Variants in LRBA observed in about 807,000 individuals in gnomAD.
LRBA encodes LPS responsive beige-like anchor protein.
In LRBA, 176 loss-of-function variants were observed where a neutral mutation model predicts 330.0. The observed-to-expected ratio is 0.53, with a 90% CI of 0.47 to 0.60. The LOEUF (loss-of-function observed/expected upper bound fraction) is 0.60. Ranked by LOEUF, LRBA falls within the 20% of genes least tolerant of loss-of-function variation. The probability of loss-of-function intolerance (pLI) is 0.00; values close to 1 mark genes in which losing one functional copy is unlikely to be tolerated. For synonymous variants in LRBA, 1,230 were observed against 1,193.0 expected (o/e 1.03, Z -0.64); for missense variants, 3,259 against 3,444.8 (o/e 0.95, Z 1.35).
intron 47 of LRBA, among the ~76,000 whole-genome samples, chr4:150,352,587 A>C (rs1186402621): frequency 6.6e-6 from 1 of 152,210 alleles, no homozygotes; most frequent in East Asian, 1.9e-4. Flanking sequence ...GACAGCACAA[A>C]ACTGCTTCAT....
intron 33 of LRBA, among the ~76,000 whole-genome samples, chr4:150,803,083 T>TACACACACAC (rs1553964882): frequency 2.3e-5 from 3 of 128,480 alleles, no homozygotes; most frequent in Non-Finnish European, 3.2e-5. Context: ...AAAATATATA[T>TACACACACAC]ACACACACAC....
chr4:150,322,867 CA>C (rs1197991898), intron 49 of LRBA, among the ~76,000 whole-genome samples: 8 of 152,182 alleles, frequency 5.3e-5, no homozygotes, highest in African/African-American at 1.9e-4. Context: ...GATACAGCAA[CA>C]GCAGCAAAAC....
intron 39 of LRBA, 61 bp from the exon 40 acceptor site, chr4:150,588,245 C>G: frequency 6.6e-7 from 1 of 1,513,970 alleles, no homozygotes; most frequent in Non-Finnish European, 8.9e-7. Context: ...AAATCAAATT[C>G]GACCAGAAAT....
rs1476447826 is a variant in LRBA, at chr4:150,516,215, CTCTTTTTTTTTTT to C, written c.6331-25193_6331-25181del. Among the ~76,000 whole-genome samples, 59 of 86,670 alleles carry C rather than the reference CTCTTTTTTTTTTT, an allele frequency of 6.8e-4. No homozygotes were observed. In the East Asian group the frequency reaches 6.9e-3, roughly 10 times the overall value. 56.9% of individuals were successfully genotyped at this position (86,670 alleles called of 152,430 possible). ...GTAATTCAGTCTGACATTTTCTATTCTCTTTTTTTTTTTTTTTTTTTTTTTTTTGCTAAGTACC... is the reference window on the plus strand; with the variant it reads ...GTAATTCAGTCTGACATTTTCTATTCTTTTTTTTTTTTTTTGCTAAGTACC... On this transcript the variant is annotated intron_variant, in intron 40 of 56. Transcript: ENST00000651943.
chr4:150,687,499 TATAAC>T (rs1783730788), intron 36 of LRBA, among the ~76,000 whole-genome samples: 1 of 152,062 alleles, frequency 6.6e-6, no homozygotes, highest in Non-Finnish European at 1.5e-5. Flanking sequence ...AACTAGATAA[TATAAC>T]ATCACAACAT....
intron 47 of LRBA, among the ~76,000 whole-genome samples, chr4:150,409,744 A>G (rs772647863): frequency 6.6e-6 from 1 of 152,176 alleles, no homozygotes; most frequent in Non-Finnish European, 1.5e-5. Context: ...ACAATCTATC[A>G]ATATGGCAAA....
In LRBA at chr4:150,551,484, G is replaced by A. The variant is rs145946024; in HGVS notation, c.6330+36564C>T. ...ACTTGAGCCCAAGAGTCTGAGACCAGCCTGGGCAACATAGTGAAATCCTGT... is the reference window on the plus strand; with the variant it reads ...ACTTGAGCCCAAGAGTCTGAGACCAACCTGGGCAACATAGTGAAATCCTGT... On this transcript the variant is annotated intron_variant, in intron 40 of 56. Coordinates refer to ENST00000651943, the MANE Select transcript of LRBA (RefSeq NM_001364905.1). Among the ~76,000 whole-genome samples, 645 of 152,100 alleles carry A rather than the reference G, an allele frequency of 4.2e-3. 3 individuals are homozygous for A. Among genetic ancestry groups the A allele is most frequent in the African/African-American group, 0.015 (624 of 41,490 alleles).
At chr4:150,562,829 T>G (rs778601093) in intron 40 of LRBA, among the ~76,000 whole-genome samples, 11 of 151,986 alleles carry the variant, frequency 7.2e-5, no homozygotes, top group Non-Finnish European at 1.2e-4. Context: ...AATAGGGGTC[T>G]TGCTCTGTTG....
chr4:150,488,245 ATTTAAG>A (rs1471288635), intron 41 of LRBA, among the ~76,000 whole-genome samples: 1 of 151,732 alleles, frequency 6.6e-6, no homozygotes, highest in Admixed American at 6.6e-5. Flanking sequence ...AATATTAAAA[ATTTAAG>A]TTTATGTAGT....
chr4:150,879,277 T>C (rs1050228531), intron 17 of LRBA, among the ~76,000 whole-genome samples: 1 of 152,082 alleles, frequency 6.6e-6, no homozygotes, highest in Non-Finnish European at 1.5e-5. Flanking sequence ...CATACATTTA[T>C]CCCAATAGAT....
chr4:150,338,710 T>C (rs1441754421), intron 48 of LRBA, among the ~76,000 whole-genome samples: 1 of 152,164 alleles, frequency 6.6e-6, no homozygotes, highest in Admixed American at 6.6e-5. Context: ...TCTCTAATGG[T>C]AGAATTTCAG....
chr4:150,954,439 T>C (rs1317975917), intron 2 of LRBA, among the ~76,000 whole-genome samples: 1 of 152,178 alleles, frequency 6.6e-6, no homozygotes, highest in Non-Finnish European at 1.5e-5. Flanking sequence ...TCTTCTGCCT[T>C]GGGATGCTGT....
intron 22 of LRBA, among the ~76,000 whole-genome samples, chr4:150,867,164 C>T (rs1235615007): frequency 6.7e-6 from 1 of 149,898 alleles, no homozygotes; most frequent in Non-Finnish European, 1.5e-5. Context: ...TTTTTAGCTA[C>T]CTGTAAGATT....
At chr4:150,957,410 G>A (rs549459149) in intron 2 of LRBA, among the ~76,000 whole-genome samples, 7 of 148,394 alleles carry the variant, frequency 4.7e-5, no homozygotes, top group South Asian at 2.1e-4. Flanking sequence ...AGAACAGCAC[G>A]GAAAGACCTG....
At chr4:150,471,512 A>T in intron 43 of LRBA, 112 bp downstream of exon 43, 1 of 620,448 alleles carries the variant, frequency 1.6e-6, no homozygotes, top group Non-Finnish European at 2.8e-6. Flanking sequence ...GTAGTATTCT[A>T]GTAGCAATAA....
intron 28 of LRBA, among the ~76,000 whole-genome samples, chr4:150,834,585 A>G (rs1319179001): frequency 6.6e-6 from 1 of 152,188 alleles, no homozygotes. Context: ...TCGTAAGCAG[A>G]TGCGCTCTTA....
At chr4:150,623,529 C>G (rs1776522858) in intron 37 of LRBA, among the ~76,000 whole-genome samples, 1 of 152,006 alleles carries the variant, frequency 6.6e-6, no homozygotes, top group African/African-American at 2.4e-5. Context: ...ATACTATACA[C>G]AGCATAGCCA....
At chr4:151,014,152 T>C (rs1745163650) in intron 2 of LRBA, 1 of 308,544 alleles carries the variant, frequency 3.2e-6, no homozygotes, top group Admixed American at 4.7e-5. Flanking sequence ...ACTCCTCCGC[T>C]AGAACCTCCC....
chr4:150,545,263 T>C (rs1317430581), intron 40 of LRBA, among the ~76,000 whole-genome samples: 1 of 152,178 alleles, frequency 6.6e-6, no homozygotes, highest in African/African-American at 2.4e-5. Context: ...TGAGCTAGAA[T>C]GTACTAGTTA....
Sources: gnomAD v4.1 joint callset for allele counts (sites outside exome capture counted in the v4.1 genomes callset) on GRCh38, gnomAD v4.1.1 for gene constraint, MANE v1.5 for transcripts, NCBI Gene and HGNC (gene_info 2026-07-23, HGNC 2026-07-21) for gene names.